The following PLBD1 variants were observed in gnomAD, a reference collection of about 807,000 sequenced individuals.
The protein encoded by PLBD1 is phospholipase B domain containing 1.
Under a neutral mutation model 63.0 loss-of-function variants are expected in PLBD1, and 60 were observed. The ratio of observed to expected loss-of-function variants is 0.95; its 90% confidence interval spans 0.77 to 1.18. The LOEUF (loss-of-function observed/expected upper bound fraction) is 1.18. PLBD1 is among the 50% of genes most tolerant of loss of function. The pLI is 0.00. For missense variants in PLBD1, 598 were observed against 677.9 expected, an observed-to-expected ratio of 0.88 and a Z score of 1.31; for synonymous variants, 262 against 248.0, an observed-to-expected ratio of 1.06 and a Z score of -0.53.
At position 14,567,771 on chromosome 12, in the gene PLBD1, G is replaced by T. The variant is rs1945807244; in HGVS notation, c.-75C>A. ...CCGCGGTGGCAGAAGTTGCAAGAGAGGCTCCTGGCCTACTCAGGGGCGCCG... is the reference window on the plus strand; with the variant it reads ...CCGCGGTGGCAGAAGTTGCAAGAGATGCTCCTGGCCTACTCAGGGGCGCCG... On this transcript the variant is annotated 5_prime_UTR_variant, in exon 1 of 11. Coordinates refer to ENST00000240617, the MANE Select transcript of PLBD1 (RefSeq NM_024829.6). 1.4e-6 allele frequency: 2 copies of T among 1,379,782 alleles called. No homozygotes were observed. The highest frequency in any genetic ancestry group is 1.9e-6 in the Non-Finnish European group (2 of 1,078,116). The allele number at this position is 1,379,782 out of a possible 1,614,324, so 85.5% of individuals were successfully genotyped here.
chr12:14,505,346 GATGAA>G (rs1023333579), intron 10 of PLBD1, among the ~76,000 whole-genome samples: 8 of 152,110 alleles, frequency 5.3e-5, no homozygotes, highest in Non-Finnish European at 7.4e-5. Context: ...TAGGACAGCT[GATGAA>G]ATGAAAAGAC....
At chr12:14,547,725 T>G (rs1945625877) in intron 2 of PLBD1, among the ~76,000 whole-genome samples, 1 of 152,202 alleles carries the variant, frequency 6.6e-6, no homozygotes, top group Non-Finnish European at 1.5e-5. Context: ...AGAATCTTTT[T>G]GCATGATGGC....
intron 1 of PLBD1, among the ~76,000 whole-genome samples, chr12:14,557,014 GTC>G (rs1945711854): frequency 9.1e-6 from 1 of 110,294 alleles, no homozygotes; most frequent in Non-Finnish European, 1.9e-5. Flanking sequence ...AAAAAAGACT[GTC>G]TGTCACGCTT....
chr12:14,532,982 T>C (rs1203675558), intron 6 of PLBD1: 1 of 152,230 alleles, frequency 6.6e-6, no homozygotes, highest in African/African-American at 2.4e-5. Context: ...TATACTTTGG[T>C]ATACTTTTGA....
At chr12:14,511,008 T>G (rs977276604) in intron 8 of PLBD1, among the ~76,000 whole-genome samples, 5 of 152,206 alleles carry the variant, frequency 3.3e-5, no homozygotes, top group African/African-American at 1.2e-4. Context: ...AAGGTAACAT[T>G]AGAACTATGA....
At chr12:14,567,488 C>T in intron 1 of PLBD1, 94 bp downstream of exon 1, 1 of 1,376,020 alleles carries the variant, frequency 7.3e-7, no homozygotes, top group South Asian at 1.6e-5. Context: ...CAGACGCCCG[C>T]TGGACGTCAA....
Position 14,521,146 on chromosome 12 carries a change from T to A in PLBD1, c.845-9435A>T, listed in dbSNP as rs146295701. Among the ~76,000 whole-genome samples, 266 of 152,224 alleles carry A rather than the reference T, an allele frequency of 1.7e-3. 1 individual carries two copies. The highest frequency in any genetic ancestry group is 3.4e-3 in the Middle Eastern group (1 of 294). On this transcript the variant is annotated intron_variant, in intron 6 of 10. Transcript: ENST00000240617. ...TCCTATCCACCAGGAATAAGCTGCC[T>A]ACGATGCACTCCATCTTCCCCATCC... is the stretch of plus-strand genomic sequence containing the variant.
Position 14,553,356 on chromosome 12 carries a change from T to A in PLBD1, c.172A>T (p.Asn58Tyr). ...GCGTCCCCATTCTTGTCCATTACAT[T>A]TTTGACTTGTACTGTCTTTTCAGCA... ...MPAEKTVQVK[N>Y]VMDKNGDAYG... The change falls in exon 2 of 11, where the codon AAT (asparagine) becomes TAT (tyrosine). Residue 58 changes from asparagine (N) to tyrosine (Y), a missense_variant. By Grantham distance (143) the Asn-to-Tyr change is moderately radical (BLOSUM62 -2). Transcript: ENST00000240617. 6.2e-7 allele frequency: 1 copy of A among 1,614,212 alleles called. No individual in the cohort carries two copies. Among genetic ancestry groups the A allele is most frequent in the Admixed American group, 1.7e-5 (1 of 60,020 alleles).
At chr12:14,556,158 C>T (rs368333014) in intron 1 of PLBD1, among the ~76,000 whole-genome samples, 13 of 152,172 alleles carry the variant, frequency 8.5e-5, no homozygotes, top group East Asian at 5.8e-4. Flanking sequence ...GGTGGGAGGA[C>T]GCCAGAATGA....
chr12:14,545,699 GAACTGAAACTAATA>G (rs1482611391), intron 2 of PLBD1, among the ~76,000 whole-genome samples: 1 of 152,070 alleles, frequency 6.6e-6, no homozygotes, highest in Non-Finnish European at 1.5e-5. Flanking sequence ...GTTGTTTCCA[GAACTGAAACTAATA>G]AACTGAGAAT....
At position 14,507,001 on chromosome 12, in the gene PLBD1, T is replaced by C. The variant is rs1945261680; in HGVS notation, c.1304A>G (p.Lys435Arg). The change falls in exon 9 of 11, where the codon AAA (lysine) becomes AGA (arginine). Residue 435 changes from lysine to arginine, a missense_variant. Transcript: ENST00000240617. ...DYSYDLAPRAKIFRRDQGKVT... is the reference protein window; with the variant it reads ...DYSYDLAPRARIFRRDQGKVT... Reference sequence around the variant, plus strand: ...TTTCCCTTGGTCACGCCGGAAAATTTTGGCTCGTGGAGCTAAATCATAAGA... The same window carrying C: ...TTTCCCTTGGTCACGCCGGAAAATTCTGGCTCGTGGAGCTAAATCATAAGA... The C allele has an allele frequency of 1.2e-6, 2 of 1,614,008 alleles. No individual in the cohort carries two copies. The highest frequency in any genetic ancestry group is 2.2e-5 in the East Asian group (1 of 44,880).
intron 6 of PLBD1, among the ~76,000 whole-genome samples, chr12:14,532,797 G>T (rs1945476655): frequency 6.6e-6 from 1 of 152,172 alleles, no homozygotes; most frequent in Admixed American, 6.5e-5. Context: ...AAATTTTCTG[G>T]AAAGGAGCTT....
At chr12:14,539,473 T>C (rs546598154) in intron 4 of PLBD1, among the ~76,000 whole-genome samples, 24 of 151,828 alleles carry the variant, frequency 1.6e-4, no homozygotes, top group Non-Finnish European at 2.9e-4. Context: ...CTACCTTTTT[T>C]GAATTTGCAC....
In PLBD1 at chr12:14,537,553, A is replaced by G. The variant is rs113035964; in HGVS notation, c.559-843T>C. ...TTTTGGTTTTGATTGTGTGTTTACT[A>G]TAAGACTAACTGACCAGCCAGCATT... On this transcript the variant is annotated intron_variant, in intron 4 of 10. Transcript: ENST00000240617. 5.5e-3 allele frequency among the ~76,000 whole-genome samples: 838 copies of G among 152,354 alleles called. 4 individuals are homozygous for G. The highest frequency in any genetic ancestry group is 0.019 in the African/African-American group (804 of 41,574).
intron 1 of PLBD1, among the ~76,000 whole-genome samples, chr12:14,554,578 T>C (rs1490911068): frequency 1.3e-5 from 2 of 152,040 alleles, no homozygotes; most frequent in African/African-American, 4.8e-5. Context: ...GGCCTCGCCT[T>C]CTGGAAAGAG....
chr12:14,509,119 G>A (rs974566785), intron 8 of PLBD1, among the ~76,000 whole-genome samples: 6 of 152,076 alleles, frequency 3.9e-5, no homozygotes, highest in Non-Finnish European at 8.8e-5. Context: ...TTATGGGGTA[G>A]TATGTTACAA....
chr12:14,506,109 G>T, intron 10 of PLBD1, 53 bp downstream of exon 10: 3 of 1,289,496 alleles, frequency 2.3e-6, no homozygotes, highest in Non-Finnish European at 2.2e-6. Flanking sequence ...CTTTGCCTTT[G>T]GAGAGGCCTG....
At chr12:14,536,294 G>A (rs560585207) in intron 5 of PLBD1, among the ~76,000 whole-genome samples, 6 of 152,182 alleles carry the variant, frequency 3.9e-5, no homozygotes, top group Admixed American at 6.5e-5. Flanking sequence ...GTGAGACTCC[G>A]GCTCAAAAAC....
intron 10 of PLBD1, 28 bp from the exon 11 acceptor site, chr12:14,503,982 T>C (rs1367107173): frequency 1.9e-6 from 3 of 1,571,264 alleles, no homozygotes; most frequent in Non-Finnish European, 2.6e-6. Context: ...GAGGACATTT[T>C]AGAAAATCAT....
Sources: gnomAD v4.1 joint callset for allele counts (sites outside exome capture counted in the v4.1 genomes callset) on GRCh38, gnomAD v4.1.1 for gene constraint, MANE v1.5 for transcripts, NCBI Gene and HGNC (gene_info 2026-07-23, HGNC 2026-07-21) for gene names.